The following CEP57L1 variants were observed in gnomAD, a reference collection of about 807,000 sequenced individuals.
CEP57L1 encodes the protein centrosomal protein 57 like 1.
In CEP57L1, 37 loss-of-function variants were observed where a neutral mutation model predicts 61.0. That is an observed-to-expected ratio of 0.61 (90% CI 0.47 to 0.80). The LOEUF is 0.80. CEP57L1 is among the 30% of genes least tolerant of loss of function. The probability of loss-of-function intolerance (pLI) is 0.00; values close to 1 mark genes in which losing one functional copy is unlikely to be tolerated. For synonymous variants in CEP57L1, 137 were observed against 162.3 expected (o/e 0.84, Z 1.19); for missense variants, 422 against 524.7 (o/e 0.80, Z 1.91).
At chr6:109,096,717 T>G (rs748758169) in intron 1 of CEP57L1, among the ~76,000 whole-genome samples, 3 of 152,252 alleles carry the variant, frequency 2.0e-5, no homozygotes, top group Non-Finnish European at 2.9e-5. Flanking sequence ...ACTTCTAGTT[T>G]GAATCTGAAT....
chr6:109,162,858 GA>G lies in CEP57L1; in HGVS notation c.1275del (p.Lys425AsnfsTer3). 1.2e-6 allele frequency: 2 copies of G among 1,613,156 alleles called. No individual in the cohort carries two copies. Among genetic ancestry groups the G allele is most frequent in the Non-Finnish European group, 1.7e-6 (2 of 1,179,452 alleles). Reference sequence around the variant, plus strand: ...TCAAAGAACATAAAAAATAGCCCCAGAAAATGTTTGACTGACACTAACCTTT... The same window carrying G: ...TCAAAGAACATAAAAAATAGCCCCAGAAATGTTTGACTGACACTAACCTTT... ...KGSKNIKNSPRKCLTDTNLFQ... is the reference protein window; with the variant it reads ...KGSKNIKNSPXKCLTDTNLFQ... On this transcript the variant is annotated frameshift_variant, in exon 11 of 11. Transcript: ENST00000517392. LOFTEE classifies it high-confidence loss of function.
At chr6:109,110,926 T>A (rs1224567264) in intron 1 of CEP57L1, among the ~76,000 whole-genome samples, 2 of 152,232 alleles carry the variant, frequency 1.3e-5, no homozygotes, top group Admixed American at 6.5e-5. Context: ...TTTGTTACTG[T>A]AGCCTTGTAG....
chr6:109,160,147 A>G (rs1195591595), intron 9 of CEP57L1, among the ~76,000 whole-genome samples: 3 of 152,234 alleles, frequency 2.0e-5, no homozygotes, highest in African/African-American at 4.8e-5. Flanking sequence ...TGTAGAAGAT[A>G]TAACTCTTTC....
Position 109,163,606 on chromosome 6 carries a change from T to TA in CEP57L1, c.*642dup, listed in dbSNP as rs35312221. The stretch of plus-strand genomic sequence containing the variant: ...TCTCTTTTACAAAACTAGTTTTTTT[T>TA]AAAAAATCAATGATCAATTTTATCT... On this transcript the variant is annotated 3_prime_UTR_variant, in exon 11 of 11. Coordinates refer to ENST00000517392, the MANE Select transcript of CEP57L1 (RefSeq NM_001271852.3). The TA allele has an allele frequency of 1.3e-5, 2 of 151,934 alleles. No homozygotes were observed. The highest frequency in any genetic ancestry group is 6.6e-5 in the Admixed American group (1 of 15,250). 9.4% of individuals were successfully genotyped at this position (151,934 alleles called of 1,614,324 possible). A position where few individuals can be genotyped will look rare whatever the true frequency, so the allele number is the denominator to read the frequency against.
chr6:109,154,934 TA>T (rs1773065006), intron 5 of CEP57L1, among the ~76,000 whole-genome samples: 2 of 152,230 alleles, frequency 1.3e-5, no homozygotes, highest in Admixed American at 1.3e-4. Context: ...TTAGTACCCT[TA>T]AAAGTTTCAT....
At chr6:109,136,998 C>T (rs987324896) in intron 1 of CEP57L1, among the ~76,000 whole-genome samples, 1 of 152,010 alleles carries the variant, frequency 6.6e-6, no homozygotes, top group Non-Finnish European at 1.5e-5. Context: ...AGCAATCCGC[C>T]CACCTCCGCC....
At chr6:109,111,714 T>C (rs1771648853) in intron 1 of CEP57L1, among the ~76,000 whole-genome samples, 1 of 152,180 alleles carries the variant, frequency 6.6e-6, no homozygotes, top group Non-Finnish European at 1.5e-5. Context: ...CCTACTTTAT[T>C]GAGAGTTTTT....
intron 1 of CEP57L1, among the ~76,000 whole-genome samples, chr6:109,116,662 C>G (rs1201449654): frequency 6.6e-6 from 1 of 152,080 alleles, no homozygotes; most frequent in African/African-American, 2.4e-5. Flanking sequence ...GAAATAATCT[C>G]AAGACATGGT....
At chr6:109,138,175 G>A (rs569320219) in intron 1 of CEP57L1, among the ~76,000 whole-genome samples, 33 of 152,294 alleles carry the variant, frequency 2.2e-4, no homozygotes, top group Middle Eastern at 3.4e-3. Context: ...TCATTGTAGG[G>A]ACTTGAGCTT....
chr6:109,141,055 C>T (rs2114833905), intron 1 of CEP57L1, among the ~76,000 whole-genome samples: 1 of 151,912 alleles, frequency 6.6e-6, no homozygotes, highest in Admixed American at 6.6e-5. Flanking sequence ...TGGTCTCGAT[C>T]TCCTGACCTC....
At chr6:109,128,138 C>T (rs1259478943) in intron 1 of CEP57L1, among the ~76,000 whole-genome samples, 1 of 152,160 alleles carries the variant, frequency 6.6e-6, no homozygotes, top group Non-Finnish European at 1.5e-5. Context: ...CCTAAATGCT[C>T]ACCTAACCTC....
Position 109,168,435 on chromosome 6 carries a change from G to C in CEP57L1, c.*5465G>C, listed in dbSNP as rs929213270. Among the ~76,000 whole-genome samples, 1 of 152,160 alleles carries C rather than the reference G, an allele frequency of 6.6e-6. No homozygotes were observed. The highest frequency in any genetic ancestry group is 2.1e-4 in the South Asian group (1 of 4,828). On this transcript the variant is annotated 3_prime_UTR_variant, in exon 11 of 11. Transcript: ENST00000517392. ...GCCAAGTATTGACTTGCACAGAATT[G>C]TGTAAATGATTGCCATTCACTTCCC...
chr6:109,160,540 A>T, intron 9 of CEP57L1, 32 bp from the exon 10 acceptor site: 2 of 1,513,832 alleles, frequency 1.3e-6, no homozygotes, highest in Non-Finnish European at 1.8e-6. Flanking sequence ...AATAAACTAT[A>T]ATACTGCTTA....
In CEP57L1 at chr6:109,118,986, A is replaced by G. The variant is rs532983200; in HGVS notation, c.-4+23411A>G. Among the ~76,000 whole-genome samples the G allele has an allele frequency of 3.9e-5, 6 of 152,328 alleles. No homozygotes were observed. The South Asian group carries it at 1.0e-3, about 26-fold the overall frequency. ...TTCAATATATATTAAACATATAGGTATGCACAGAGGAAAGTTAATTAGCCC... is the reference window on the plus strand; with the variant it reads ...TTCAATATATATTAAACATATAGGTGTGCACAGAGGAAAGTTAATTAGCCC... On this transcript the variant is annotated intron_variant, in intron 1 of 10. Transcript: ENST00000517392.
rs1773878204 is a variant in CEP57L1 at position 109,163,261 on chromosome 6, T to C, written c.*291T>C. The stretch of plus-strand genomic sequence containing the variant: ...GCTAAATTTAAGAAATTGTACTAGA[T>C]TGACAATATTCAAAATTGAGTTAAA... On this transcript the variant is annotated 3_prime_UTR_variant, in exon 11 of 11. Coordinates refer to ENST00000517392, the MANE Select transcript of CEP57L1 (RefSeq NM_001271852.3). The C allele has an allele frequency of 4.2e-6, 1 of 239,690 alleles. No individual in the cohort carries two copies. The highest frequency in any genetic ancestry group is 1.0e-4 in the East Asian group (1 of 9,744). The allele number at this position is 239,690 out of a possible 1,614,324, so 14.8% of individuals were successfully genotyped here.
At chr6:109,137,249 G>A (rs1267028192) in intron 1 of CEP57L1, among the ~76,000 whole-genome samples, 1 of 151,926 alleles carries the variant, frequency 6.6e-6, no homozygotes, top group African/African-American at 2.4e-5. Flanking sequence ...ATTTTGTGTA[G>A]TTTAGTATCC....
chr6:109,138,129 G>T (rs1770943803), intron 1 of CEP57L1, among the ~76,000 whole-genome samples: 1 of 152,202 alleles, frequency 6.6e-6, no homozygotes. Flanking sequence ...TCAGAGTTGG[G>T]GAGTGGGGGA....
chr6:109,110,936 G>A (rs562416313), intron 1 of CEP57L1, among the ~76,000 whole-genome samples: 22 of 152,284 alleles, frequency 1.4e-4, no homozygotes, highest in African/African-American at 4.6e-4. Context: ...TAGCCTTGTA[G>A]TATAGTTTGA....
chr6:109,142,962 TCTCTCTCTCTC>T (rs1771566935), intron 1 of CEP57L1, among the ~76,000 whole-genome samples: 1 of 89,540 alleles, frequency 1.1e-5, no homozygotes, highest in Non-Finnish European at 2.2e-5. Flanking sequence ...TCTCTCTCTC[TCTCTCTCTCTC>T]TCTCTCTCTC....
Sources: allele counts gnomAD v4.1 joint callset (sites outside exome capture counted in the v4.1 genomes callset), GRCh38; gene constraint gnomAD v4.1.1; transcripts MANE v1.5; gene names NCBI Gene and HGNC (gene_info 2026-07-23, HGNC 2026-07-21).